The following ZSCAN1 variants were observed in gnomAD, a reference collection of about 807,000 sequenced individuals.
ZSCAN1 encodes the protein zinc finger and SCAN domain containing 1.
In ZSCAN1, 23 loss-of-function variants were observed where a neutral mutation model predicts 23.8. The observed-to-expected ratio is 0.97, with a 90% CI of 0.70 to 1.37. The LOEUF is 1.37. Among genes scored for constraint, ZSCAN1 ranks in the 40% most tolerant of loss-of-function variants. The probability of loss-of-function intolerance (pLI) is 0.00; values close to 1 mark genes in which losing one functional copy is unlikely to be tolerated. For missense variants in ZSCAN1, 575 were observed against 554.0 expected (o/e 1.04, Z -0.38); for synonymous variants, 236 against 232.3 (o/e 1.02, Z -0.15).
At chr19:58,043,974 C>A (rs1454924203) in intron 4 of ZSCAN1, among the ~76,000 whole-genome samples, 1 of 151,224 alleles carries the variant, frequency 6.6e-6, no homozygotes, top group African/African-American at 2.4e-5. Flanking sequence ...GCGTAAAAAA[C>A]TTTCTGACTC....
At chr19:58,051,797 C>G (rs914614324) in intron 4 of ZSCAN1, among the ~76,000 whole-genome samples, 1 of 152,256 alleles carries the variant, frequency 6.6e-6, no homozygotes, top group Admixed American at 6.5e-5. Context: ...CCCACATCCT[C>G]ACTGGAAACC....
downstream of ZSCAN1, among the ~76,000 whole-genome samples, chr19:58,055,467 C>A (rs1427899355): frequency 1.3e-5 from 2 of 152,228 alleles, no homozygotes; most frequent in Non-Finnish European, 2.9e-5. Context: ...CTGGCTCTAT[C>A]CTATGCCTTA....
chr19:58,045,186 C>A lies in ZSCAN1; in HGVS notation c.465+4642C>A, dbSNP rs574759980. 1.0e-4 allele frequency: 95 copies of A among 946,286 alleles called. No homozygotes were observed. The East Asian group carries it at 2.3e-3, about 23-fold the overall frequency. 58.6% of individuals were successfully genotyped at this position (946,286 alleles called of 1,614,324 possible). ...CCGCCAGGCGCGCAGGCAGTTGCTCCGGTTCTGTGCCGACCTCTTCCGCCT... is the reference window on the plus strand; with the variant it reads ...CCGCCAGGCGCGCAGGCAGTTGCTCAGGTTCTGTGCCGACCTCTTCCGCCT... On this transcript the variant is annotated intron_variant, in intron 4 of 5. Coordinates refer to ENST00000282326, the MANE Select transcript of ZSCAN1 (RefSeq NM_182572.4). The surrounding 1 kb of genome is among the most constrained non-coding windows in gnomAD (Gnocchi z 4.3).
intron 5 of ZSCAN1, 69 bp downstream of exon 5, chr19:58,052,697 CTT>C: frequency 6.6e-7 from 1 of 1,517,910 alleles, no homozygotes. Flanking sequence ...AAGCCACAGA[CTT>C]TGTTAATGGG....
At chr19:58,056,145 C>T (rs1405940183), downstream of ZSCAN1, among the ~76,000 whole-genome samples, 1 of 152,196 alleles carries the variant, frequency 6.6e-6, no homozygotes, top group East Asian at 1.9e-4. Context: ...AACTCTGCCT[C>T]CAGCCCGTTC....
chr19:58,036,042 C>G (rs963085239), intron 2 of ZSCAN1, 31 bp downstream of exon 2: 1 of 152,218 alleles, frequency 6.6e-6, no homozygotes, highest in Non-Finnish European at 1.5e-5. Context: ...TTGGCCGCCC[C>G]CCATGGGCGT....
At chr19:58,044,774 C>T (rs2073813513) in intron 4 of ZSCAN1, 2 of 723,934 alleles carry the variant, frequency 2.8e-6, no homozygotes, top group South Asian at 1.5e-5. Flanking sequence ...CCTGCCTACC[C>T]GTGCTTCAGA....
Position 58,053,457 on chromosome 19 carries a change from G to A in ZSCAN1, c.633G>A (p.Pro211=), listed in dbSNP as rs758101086. 1.7e-5 allele frequency: 27 copies of A among 1,612,050 alleles called. No individual in the cohort carries two copies. Among genetic ancestry groups the A allele is most frequent in the East Asian group, 2.2e-5 (1 of 44,808 alleles). Residue 211 remains proline, a synonymous_variant, in exon 6 of 6, where the codon CCG becomes CCA. Coordinates refer to ENST00000282326, the MANE Select transcript of ZSCAN1 (RefSeq NM_182572.4). The surrounding 1 kb of genome is among the most constrained non-coding windows in gnomAD (Gnocchi z 5.8). ...CCCGGGCCCGCTTGCCTCTGAAGCC[G>A]AGTATCTGGGACGAGCCTGAGGACC... The part of the protein sequence containing the change: ...LGSRARLPLK[P]SIWDEPEDLL...
chr19:58,048,662 T>C (rs897177168), intron 4 of ZSCAN1, among the ~76,000 whole-genome samples: 8 of 152,224 alleles, frequency 5.3e-5, no homozygotes, highest in Admixed American at 3.3e-4. Flanking sequence ...TTCATTATGT[T>C]GGCCAGGCTG....
chr19:58,042,427 T>G (rs758311809), intron 4 of ZSCAN1, among the ~76,000 whole-genome samples: 9 of 152,000 alleles, frequency 5.9e-5, no homozygotes, highest in Non-Finnish European at 1.0e-4. Context: ...CGGCTAATTT[T>G]TTTTGTATTT....
rs1042085304 is a variant in ZSCAN1, at chr19:58,045,239, G to T, written c.465+4695G>T. 1.2e-6 allele frequency: 1 copy of T among 809,108 alleles called. No homozygotes were observed. The highest frequency in any genetic ancestry group is 2.2e-6 in the Non-Finnish European group (1 of 445,634). The allele number at this position is 809,108 out of a possible 1,614,324, so 50.1% of individuals were successfully genotyped here. On this transcript the variant is annotated intron_variant, in intron 4 of 5. Coordinates refer to ENST00000282326, the MANE Select transcript of ZSCAN1 (RefSeq NM_182572.4). The surrounding 1 kb of genome is among the most constrained non-coding windows in gnomAD (Gnocchi z 4.3). ...TGCCGTTCCTCCTGTTCGTGGTGGTGCCGTTCGTGGAGTTTCTGCTGCCTG... is the reference window on the plus strand; with the variant it reads ...TGCCGTTCCTCCTGTTCGTGGTGGTTCCGTTCGTGGAGTTTCTGCTGCCTG...
intron 1 of ZSCAN1, among the ~76,000 whole-genome samples, chr19:58,034,795 C>A (rs2123414005): frequency 6.8e-6 from 1 of 146,064 alleles, no homozygotes; most frequent in Non-Finnish European, 1.5e-5. Context: ...GTCGTCGCTG[C>A]CCCTCCCCTG....
Position 58,053,631 on chromosome 19 carries a change from A to G in ZSCAN1, c.807A>G (p.Lys269=). ...ACCAGCCATCCCTCAAGCACACCAA[A>G]GGTGGTACCCAAGAGGCTGTTGCAG... ...GRHQPSLKHT[K]GGTQEAVAGI... is the part of the protein sequence containing the mutation. The change falls in exon 6 of 6, where the codon AAA becomes AAG. Residue 269 remains lysine (K), a synonymous_variant. Transcript: ENST00000282326. This position sits in a 1 kb window ranked among gnomAD's most constrained non-coding sequence, Gnocchi z 5.8. 6.2e-7 allele frequency: 1 copy of G among 1,614,064 alleles called. No homozygotes were observed. Among genetic ancestry groups the G allele is most frequent in the Non-Finnish European group, 8.5e-7 (1 of 1,179,996 alleles).
Position 58,037,873 on chromosome 19 carries a change from C to T in ZSCAN1, c.37C>T (p.Arg13Cys), listed in dbSNP as rs557413199. ...GCCCAAAGCCCCTGCCTCCCCCAGACGCCCCCAGACCCCAACCCCGAGTGA... is the reference window on the plus strand; with the variant it reads ...GCCCAAAGCCCCTGCCTCCCCCAGATGCCCCCAGACCCCAACCCCGAGTGA... ...PRPKAPASPR[R>C]PQTPTPSEQD... The change falls in exon 3 of 6, where the codon CGC (arginine) becomes TGC (cysteine). Residue 13 changes from arginine (R) to cysteine (C), a missense_variant. Arg to Cys is a radical substitution (Grantham distance 180, BLOSUM62 -3). Coordinates refer to ENST00000282326, the MANE Select transcript of ZSCAN1 (RefSeq NM_182572.4). 24 of 1,513,046 alleles carry T rather than the reference C, an allele frequency of 1.6e-5. No homozygotes were observed. The highest frequency in any genetic ancestry group is 1.2e-4 in the African/African-American group (9 of 72,322). The allele number at this position is 1,513,046 out of a possible 1,614,324, so 93.7% of individuals were successfully genotyped here.
rs370247217 is a variant in ZSCAN1 at position 58,047,341 on chromosome 19, G to A, written c.466-5149G>A. 6.6e-5 allele frequency among the ~76,000 whole-genome samples: 10 copies of A among 152,350 alleles called. No individual in the cohort carries two copies. Among genetic ancestry groups the A allele is most frequent in the South Asian group, 4.1e-4 (2 of 4,834 alleles). The stretch of plus-strand genomic sequence containing the variant: ...ATCTCTGTGGCCTCTGGAGAGTGAC[G>A]TCTCCCTGCTGGCAGGGCCGGTTCT... On this transcript the variant is annotated intron_variant, in intron 4 of 5. Coordinates refer to ENST00000282326, the MANE Select transcript of ZSCAN1 (RefSeq NM_182572.4). This position sits in a 1 kb window ranked among gnomAD's most constrained non-coding sequence, Gnocchi z 4.9.
chr19:58,041,031 G>A (rs998513977), intron 4 of ZSCAN1, among the ~76,000 whole-genome samples: 1 of 152,230 alleles, frequency 6.6e-6, no homozygotes, highest in Non-Finnish European at 1.5e-5. Context: ...TGTGTGGCTG[G>A]AGAGATTAAA....
rs142258223 is a variant in ZSCAN1 at position 58,053,971 on chromosome 19, A to T, written c.1147A>T (p.Ser383Cys). 34 of 1,603,408 alleles carry T rather than the reference A, an allele frequency of 2.1e-5. No individual in the cohort carries two copies. Among genetic ancestry groups the T allele is most frequent in the Non-Finnish European group, 2.8e-5 (33 of 1,173,860 alleles). The change falls in exon 6 of 6, where the codon AGC (serine) becomes TGC (cysteine). Residue 383 changes from serine to cysteine, a missense_variant. Coordinates refer to ENST00000282326, the MANE Select transcript of ZSCAN1 (RefSeq NM_182572.4). This position sits in a 1 kb window ranked among gnomAD's most constrained non-coding sequence, Gnocchi z 5.8. Reference sequence around the variant, plus strand: ...CAGCCCCAAAAGACCCTTCCAGTGTAGCGTCTGCGGGAAGGCCTTCCCCTG... The same window carrying T: ...CAGCCCCAAAAGACCCTTCCAGTGTTGCGTCTGCGGGAAGGCCTTCCCCTG... Reference protein sequence around the residue: ...PRSPKRPFQCSVCGKAFPWMV... With the variant: ...PRSPKRPFQCCVCGKAFPWMV...
intron 1 of ZSCAN1, 132 bp downstream of exon 1, chr19:58,034,293 G>A (rs2073716130): frequency 6.7e-6 from 1 of 150,148 alleles, no homozygotes; most frequent in South Asian, 2.1e-4. Flanking sequence ...CGTCGGGGGA[G>A]GCGGGCCCGG....
chr19:58,045,653 C>T lies in ZSCAN1; in HGVS notation c.465+5109C>T. On this transcript the variant is annotated intron_variant, in intron 4 of 5. Transcript: ENST00000282326. This position sits in a 1 kb window ranked among gnomAD's most constrained non-coding sequence, Gnocchi z 4.3. ...ATAAAGGCAGAGGACAAGCTGTTTG[C>T]TGAGGAAGGGGTGGACAGCCTGAAC... 7.6e-6 allele frequency: 7 copies of T among 922,494 alleles called. No homozygotes were observed. Among genetic ancestry groups the T allele is most frequent in the Admixed American group, 1.7e-5 (1 of 57,938 alleles). 57.1% of individuals were successfully genotyped at this position (922,494 alleles called of 1,614,324 possible). A position where few individuals can be genotyped will look rare whatever the true frequency, so the allele number is the denominator to read the frequency against.
Sources: gnomAD v4.1 joint callset for allele counts (sites outside exome capture counted in the v4.1 genomes callset) on GRCh38, gnomAD v4.1.1 for gene constraint, Gnocchi (gnomAD v3.1) non-coding constraint, MANE v1.5 for transcripts, NCBI Gene and HGNC (gene_info 2026-07-23, HGNC 2026-07-21) for gene names.